Variants in AQP11 observed in about 807,000 individuals in gnomAD.
AQP11 encodes the protein aquaporin-11.
Under a neutral mutation model 21.1 loss-of-function variants are expected in AQP11, and 20 were observed. The ratio of observed to expected loss-of-function variants is 0.95; its 90% CI spans 0.67 to 1.38. The LOEUF (loss-of-function observed/expected upper bound fraction) is 1.38. Ranked by LOEUF, AQP11 falls within the 40% of genes most tolerant of loss-of-function variation. The pLI is 0.00. For synonymous variants in AQP11, 167 were observed against 150.1 expected (o/e 1.11, Z -0.82); for missense variants, 339 against 340.4 (o/e 1.00, Z 0.03).
Position 77,609,268 on chromosome 11 carries a change from T to C in AQP11, c.737-30T>C, listed in dbSNP as rs750127978. On this transcript the variant is annotated intron_variant, in intron 2 of 2. Coordinates refer to ENST00000313578, the MANE Select transcript of AQP11 (RefSeq NM_173039.3). ...GATTATGAACCTCCTTAAAGATTGTTTTTTTATTTTACTGTATTTTGTCTT... is the reference window on the plus strand; with the variant it reads ...GATTATGAACCTCCTTAAAGATTGTCTTTTTATTTTACTGTATTTTGTCTT... 8 of 1,571,760 alleles carry C rather than the reference T, an allele frequency of 5.1e-6. No homozygotes were observed. The East Asian group carries it at 1.6e-4, about 31-fold the overall frequency.
chr11:77,600,261 G>A (rs1030795787), intron 1 of AQP11, among the ~76,000 whole-genome samples: 6 of 151,980 alleles, frequency 3.9e-5, no homozygotes, highest in East Asian at 1.9e-4. Context: ...GAGCCACTGC[G>A]CCCAGCCAGG....
intron 1 of AQP11, among the ~76,000 whole-genome samples, chr11:77,597,657 G>T (rs1958791044): frequency 6.6e-6 from 1 of 152,196 alleles, no homozygotes; most frequent in Admixed American, 6.5e-5. Context: ...GTGGAGTTTG[G>T]AGATGCAAAC....
intron 1 of AQP11, among the ~76,000 whole-genome samples, chr11:77,597,277 T>C (rs905689996): frequency 6.6e-6 from 1 of 152,114 alleles, no homozygotes; most frequent in Non-Finnish European, 1.5e-5. Context: ...GAATAACCAC[T>C]AATTTGAAAA....
At chr11:77,600,831 T>TG (rs1958811376) in intron 1 of AQP11, among the ~76,000 whole-genome samples, 1 of 151,826 alleles carries the variant, frequency 6.6e-6, no homozygotes, top group Admixed American at 6.6e-5. Context: ...GCTAAAACGG[T>TG]GAAACCCCGT....
chr11:77,608,211 T>C (rs1242556478), intron 2 of AQP11, among the ~76,000 whole-genome samples: 1 of 152,262 alleles, frequency 6.6e-6, no homozygotes, highest in Non-Finnish European at 1.5e-5. Context: ...GATAGTGACT[T>C]GAGCCCTTGG....
At position 77,590,382 on chromosome 11, in the gene AQP11, C is replaced by T. The variant is rs776033889; in HGVS notation, c.390C>T (p.Cys130=). 1.9e-6 allele frequency: 3 copies of T among 1,613,796 alleles called. No individual in the cohort carries two copies. Among genetic ancestry groups the T allele is most frequent in the East Asian group, 2.2e-5 (1 of 44,862 alleles). Residue 130 remains cysteine, a synonymous_variant, in exon 1 of 3, where the codon TGC becomes TGT. Coordinates refer to ENST00000313578, the MANE Select transcript of AQP11 (RefSeq NM_173039.3). ...RLLAQLVSAL[C]SRYCTSALWS... ...TGGCTCAGCTGGTTAGTGCCCTGTG[C>T]AGCAGGTACTGCACAAGCGCCTTGT...
intron 2 of AQP11, among the ~76,000 whole-genome samples, chr11:77,607,845 A>G (rs949140342): frequency 4.0e-5 from 6 of 151,784 alleles, no homozygotes; most frequent in Non-Finnish European, 5.9e-5. Context: ...ATTTGCTTCT[A>G]TGAAACTGCA....
intron 1 of AQP11, among the ~76,000 whole-genome samples, chr11:77,601,962 T>C (rs1958817961): frequency 6.6e-6 from 1 of 152,108 alleles, no homozygotes; most frequent in South Asian, 2.1e-4. Flanking sequence ...TCACTCCTGT[T>C]ACATTCAGAA....
At chr11:77,599,793 C>T (rs1958804850) in intron 1 of AQP11, among the ~76,000 whole-genome samples, 8 of 151,522 alleles carry the variant, frequency 5.3e-5, no homozygotes, top group Admixed American at 5.3e-4. Flanking sequence ...GCTATGTTGC[C>T]CAGGCTAGTC....
rs143747558 is a variant in AQP11, at chr11:77,602,991, C to T, written c.620-565C>T. On this transcript the variant is annotated intron_variant, in intron 1 of 2. Transcript: ENST00000313578. ...CCAGAGAAATACCCTGGGTGCAGAG[C>T]TGGAACACAAATCCTAAAAAGTAGC... 2.2e-3 allele frequency among the ~76,000 whole-genome samples: 336 copies of T among 152,278 alleles called. 7 individuals are homozygous for T. The highest frequency in any genetic ancestry group is 0.02 in the Admixed American group (300 of 15,282).
chr11:77,592,280 A>G (rs974606838), intron 1 of AQP11, among the ~76,000 whole-genome samples: 1 of 152,106 alleles, frequency 6.6e-6, no homozygotes, highest in African/African-American at 2.4e-5. Context: ...AGAAAAAAAA[A>G]AAGAAAAAGA....
At chr11:77,593,499 T>C (rs941632347) in intron 1 of AQP11, among the ~76,000 whole-genome samples, 7 of 152,010 alleles carry the variant, frequency 4.6e-5, no homozygotes, top group Non-Finnish European at 2.9e-5. Context: ...TAGCCAGGCA[T>C]GGTGGCGGGT....
At chr11:77,609,187 A>C (rs1565120764) in intron 2 of AQP11, 111 bp from the exon 3 acceptor site, 1 of 659,540 alleles carries the variant, frequency 1.5e-6, no homozygotes, top group East Asian at 2.8e-5. Context: ...TTCTTTAAGC[A>C]TGGCTTTCCA....
intron 1 of AQP11, among the ~76,000 whole-genome samples, chr11:77,600,699 C>G (rs1291921121): frequency 1.3e-5 from 2 of 152,096 alleles, no homozygotes; most frequent in Non-Finnish European, 2.9e-5. Context: ...TAGGTTTTTC[C>G]TAGTTCTTTG....
chr11:77,604,639 G>A (rs981315994), intron 2 of AQP11, among the ~76,000 whole-genome samples: 3 of 152,130 alleles, frequency 2.0e-5, no homozygotes, highest in African/African-American at 7.2e-5. Flanking sequence ...AGGTAACACA[G>A]AAGGGAAGTG....
intron 1 of AQP11, among the ~76,000 whole-genome samples, chr11:77,592,815 G>A (rs997120796): frequency 2.0e-5 from 3 of 150,702 alleles, no homozygotes. Context: ...GAGTATAAAG[G>A]GAACACTAGA....
rs762676737 is a variant in AQP11, at chr11:77,609,337, C to T, written c.776C>T (p.Pro259Leu). The change falls in exon 3 of 3, where the codon CCA (proline) becomes CTA (leucine). Residue 259 changes from proline (P) to leucine (L), a missense_variant. Transcript: ENST00000313578. ...LMILMFSFFL[P>L]WLHNNHTINK... Reference sequence around the variant, plus strand: ...ATTTTGATGTTCAGCTTTTTCCTTCCATGGCTGCATAACAACCATACAATT... The same window carrying T: ...ATTTTGATGTTCAGCTTTTTCCTTCTATGGCTGCATAACAACCATACAATT... The T allele has an allele frequency of 3.7e-6, 6 of 1,612,648 alleles. No individual in the cohort carries two copies. Among genetic ancestry groups the T allele is most frequent in the Non-Finnish European group, 5.1e-6 (6 of 1,179,508 alleles).
chr11:77,595,136 G>A (rs1468771686), intron 1 of AQP11, among the ~76,000 whole-genome samples: 2 of 152,176 alleles, frequency 1.3e-5, no homozygotes, highest in Non-Finnish European at 2.9e-5. Flanking sequence ...GAGGTCAGGA[G>A]TTTGAGACCA....
chr11:77,597,347 G>A (rs1330166170), intron 1 of AQP11, among the ~76,000 whole-genome samples: 2 of 152,186 alleles, frequency 1.3e-5, no homozygotes, highest in African/African-American at 4.8e-5. Context: ...CAAGGTGGGC[G>A]GATCGCTTGA....
Sources: allele counts gnomAD v4.1 joint callset (sites outside exome capture counted in the v4.1 genomes callset), GRCh38; gene constraint gnomAD v4.1.1; transcripts MANE v1.5; gene names NCBI Gene and HGNC (gene_info 2026-07-23, HGNC 2026-07-21).